The following INPP4B variants were observed in gnomAD, a reference collection of about 807,000 sequenced individuals.
INPP4B encodes inositol polyphosphate-4-phosphatase type II B.
In INPP4B, 55 loss-of-function variants were observed where a neutral mutation model predicts 122.5. The observed-to-expected ratio is 0.45, with a 90% CI of 0.36 to 0.56. INPP4B has a LOEUF of 0.56. INPP4B is among the 20% of genes least tolerant of loss of function. INPP4B has a pLI of 0.00. For synonymous variants in INPP4B, 403 were observed against 388.7 expected, an observed-to-expected ratio of 1.04 and a Z score of -0.43; for missense variants, 1,000 against 1,097.7, an observed-to-expected ratio of 0.91 and a Z score of 1.26.
intron 1 of INPP4B, among the ~76,000 whole-genome samples, chr4:142,839,480 T>C (rs986370381): frequency 5.3e-5 from 8 of 152,156 alleles, no homozygotes; most frequent in Admixed American, 3.9e-4. Context: ...CTGAAGTCTA[T>C]ACCTCAATCA....
Position 142,738,792 on chromosome 4 carries a change from C to A in INPP4B, c.-253-12891G>T, listed in dbSNP as rs1016029109. Among the ~76,000 whole-genome samples, 22 of 152,040 alleles carry A rather than the reference C, an allele frequency of 1.4e-4. 1 individual carries two copies. The highest frequency in any genetic ancestry group is 4.8e-4 in the African/African-American group (20 of 41,430). ...GTGTAGCCTTGTAAATGTCTATGAGCGTTCCTAAGTTAAAAGATCAGTAGT... is the reference window on the plus strand; with the variant it reads ...GTGTAGCCTTGTAAATGTCTATGAGAGTTCCTAAGTTAAAAGATCAGTAGT... On this transcript the variant is annotated intron_variant, in intron 1 of 25. Transcript: ENST00000262992.
chr4:142,405,737 G>T (rs1457379296), intron 5 of INPP4B, among the ~76,000 whole-genome samples: 1 of 152,114 alleles, frequency 6.6e-6, no homozygotes, highest in African/African-American at 2.4e-5. Context: ...GGTTGGATTA[G>T]ATCAAGTGTT....
At chr4:142,816,457 G>A (rs1267606655) in intron 1 of INPP4B, among the ~76,000 whole-genome samples, 4 of 151,924 alleles carry the variant, frequency 2.6e-5, no homozygotes, top group African/African-American at 9.7e-5. Flanking sequence ...GATCGTTGAA[G>A]TTAAGAGTTA....
intron 2 of INPP4B, among the ~76,000 whole-genome samples, chr4:142,719,695 G>A (rs1012309914): frequency 3.3e-4 from 50 of 152,078 alleles, no homozygotes; most frequent in Middle Eastern, 3.4e-3. Context: ...AAAATTATAT[G>A]TACTATAATC....
intron 7 of INPP4B, among the ~76,000 whole-genome samples, chr4:142,380,251 C>T (rs949208595): frequency 6.6e-6 from 1 of 152,164 alleles, no homozygotes; most frequent in African/African-American, 2.4e-5. Flanking sequence ...AAAGTTTCCC[C>T]TAGTTATTTC....
chr4:142,786,151 C>T (rs1009880689), intron 1 of INPP4B, among the ~76,000 whole-genome samples: 1 of 152,074 alleles, frequency 6.6e-6, no homozygotes, highest in Non-Finnish European at 1.5e-5. Context: ...CCAGTCTCAA[C>T]TAAAAGGAAC....
chr4:142,308,557 G>A (rs1764287042), intron 8 of INPP4B, among the ~76,000 whole-genome samples: 1 of 152,060 alleles, frequency 6.6e-6, no homozygotes, highest in South Asian at 2.1e-4. Flanking sequence ...CTCAAAGTTA[G>A]AAAATAAATC....
chr4:142,096,534 G>A (rs1417474629), intron 23 of INPP4B, among the ~76,000 whole-genome samples: 4 of 152,064 alleles, frequency 2.6e-5, no homozygotes, highest in African/African-American at 9.7e-5. Context: ...AAAAGTCTAT[G>A]TAGTTTAACA....
chr4:142,452,935 T>A (rs1580104466), intron 3 of INPP4B, among the ~76,000 whole-genome samples: 1 of 152,116 alleles, frequency 6.6e-6, no homozygotes, highest in Non-Finnish European at 1.5e-5. Context: ...AACACGAGCA[T>A]TATATAACAG....
rs147465706 is a variant in INPP4B at position 142,581,751 on chromosome 4, T to C, written c.-190-119025A>G. Among the ~76,000 whole-genome samples, 501 of 152,078 alleles carry C rather than the reference T, an allele frequency of 3.3e-3. 7 individuals carry two copies. Among genetic ancestry groups the C allele is most frequent in the East Asian group, 0.018 (93 of 5,150 alleles). On this transcript the variant is annotated intron_variant, in intron 2 of 25. Coordinates refer to ENST00000262992, the MANE Select transcript of INPP4B (RefSeq NM_001101669.3). ...AACAGAGCACCACAACTATTCTAAA[T>C]TGAGCATCAGTATAGGCATATCATT... is the stretch of plus-strand genomic sequence containing the variant.
chr4:142,710,987 T>C (rs1251827978), intron 2 of INPP4B, among the ~76,000 whole-genome samples: 3 of 152,352 alleles, frequency 2.0e-5, no homozygotes, highest in Non-Finnish European at 2.9e-5. Context: ...GAAGAGAGCA[T>C]GAGCCTTAGA....
chr4:142,536,742 T>C (rs1828236800), intron 2 of INPP4B, among the ~76,000 whole-genome samples: 1 of 152,128 alleles, frequency 6.6e-6, no homozygotes, highest in African/African-American at 2.4e-5. Context: ...TGATTATCAA[T>C]GAACTTGACT....
At chr4:142,066,326 C>T (rs1005192688) in intron 25 of INPP4B, among the ~76,000 whole-genome samples, 7 of 152,132 alleles carry the variant, frequency 4.6e-5, no homozygotes, top group Non-Finnish European at 1.0e-4. Flanking sequence ...CTGGTAAGTA[C>T]ATGTGAATTG....
intron 1 of INPP4B, among the ~76,000 whole-genome samples, chr4:142,790,765 T>C (rs1213272122): frequency 6.6e-6 from 1 of 152,026 alleles, no homozygotes; most frequent in Non-Finnish European, 1.5e-5. Context: ...CAGAAAAGAA[T>C]GTTATTCTAA....
At chr4:142,125,613 C>T (rs975999204) in intron 18 of INPP4B, among the ~76,000 whole-genome samples, 1 of 152,078 alleles carries the variant, frequency 6.6e-6, no homozygotes, top group African/African-American at 2.4e-5. Flanking sequence ...TGCTTTATCT[C>T]TTCTGCAAAC....
intron 2 of INPP4B, among the ~76,000 whole-genome samples, chr4:142,530,578 T>TATATATATATATAC (rs1491512256): frequency 1.8e-5 from 2 of 109,584 alleles, no homozygotes; most frequent in African/African-American, 6.4e-5. Flanking sequence ...TATATATATA[T>TATATATATATATAC]ACACACACAC....
At chr4:142,367,836 C>T (rs1475044314) in intron 7 of INPP4B, among the ~76,000 whole-genome samples, 2 of 152,152 alleles carry the variant, frequency 1.3e-5, no homozygotes, top group Non-Finnish European at 2.9e-5. Context: ...TTCTAATATG[C>T]TCCCTGGGCT....
chr4:142,179,561 T>TGAAGAATGATGCTAATAG (rs1561394792), intron 15 of INPP4B, among the ~76,000 whole-genome samples: 1 of 143,968 alleles, frequency 6.9e-6, no homozygotes, highest in Non-Finnish European at 1.5e-5. Context: ...ATTAGCTCTG[T>TGAAGAATGATGCTAATAG]GAAAAAAAAA....
Position 142,028,922 on chromosome 4 carries a change from A to C in INPP4B, c.2643-8T>G, listed in dbSNP as rs1192016467. 6.2e-7 allele frequency: 1 copy of C among 1,606,752 alleles called. No individual in the cohort carries two copies. Among genetic ancestry groups the C allele is most frequent in the African/African-American group, 1.3e-5 (1 of 74,624 alleles). On this transcript the variant is annotated splice_polypyrimidine_tract_variant and splice_region_variant and intron_variant, in intron 25 of 25. Coordinates refer to ENST00000262992, the MANE Select transcript of INPP4B (RefSeq NM_001101669.3). ...TCTATGCGGCATCCTTCTCTGGTGA[A>C]AGGGGAAAAAGTACAACTTCATGAA...
Sources: allele counts gnomAD v4.1 joint callset (sites outside exome capture counted in the v4.1 genomes callset), GRCh38; gene constraint gnomAD v4.1.1; transcripts MANE v1.5; gene names NCBI Gene and HGNC (gene_info 2026-07-23, HGNC 2026-07-21).